CUBN: variants seen among roughly 807,000 people sequenced by gnomAD.
The protein encoded by CUBN is 460 kDa receptor.
CUBN carries 282 observed loss-of-function variants against 405.3 expected under a neutral mutation model. The ratio of observed to expected loss-of-function variants is 0.70; its 90% CI spans 0.63 to 0.77. The LOEUF is 0.77. CUBN is among the 30% of genes least tolerant of loss of function. The probability of loss-of-function intolerance (pLI) is 0.00; values close to 1 mark genes in which losing one functional copy is unlikely to be tolerated. For synonymous variants in CUBN, 1,684 were observed against 1,617.0 expected (o/e 1.04, Z -0.99); for missense variants, 4,514 against 4,475.2 (o/e 1.01, Z -0.25).
At chr10:16,937,861 CT>C in intron 38 of CUBN, 77 bp from the exon 39 acceptor site, 1 of 1,327,400 alleles carries the variant, frequency 7.5e-7, no homozygotes, top group Non-Finnish European at 1.0e-6. Flanking sequence ...AAAAAGATGC[CT>C]TATATTATTA....
chr10:16,968,783 G>A (rs1401746411), intron 31 of CUBN, among the ~76,000 whole-genome samples: 1 of 152,234 alleles, frequency 6.6e-6, no homozygotes, highest in African/African-American at 2.4e-5. Context: ...GAAAGGAAAC[G>A]TAATGAAGCC....
chr10:17,129,144 C>A lies in CUBN; in HGVS notation c.229G>T (p.Asp77Tyr). The stretch of plus-strand genomic sequence containing the variant: ...ACCTGATGTAAACACTCACTGAGAT[C>A]TTCATCATTTAATTTAATTTTTCCC... ...SLGKIKLNDE[D>Y]LSECLHQIQK... The change falls in exon 2 of 67, where the codon GAT becomes TAT. Residue 77 changes from aspartate (D) to tyrosine (Y), a missense_variant. Asp to Tyr is a radical substitution (Grantham distance 160). Around this residue, in one of 5 missense-constraint regions of CUBN, gnomAD observed 1,448 missense variants for 1,388.0 expected, o/e 1.04. Coordinates refer to ENST00000377833, the MANE Select transcript of CUBN (RefSeq NM_001081.4). The A allele has an allele frequency of 1.2e-6, 2 of 1,612,556 alleles. No homozygotes were observed. Among genetic ancestry groups the A allele is most frequent in the Non-Finnish European group, 1.7e-6 (2 of 1,178,664 alleles).
At chr10:16,996,430 A>T (rs915640756) in intron 28 of CUBN, among the ~76,000 whole-genome samples, 5 of 152,238 alleles carry the variant, frequency 3.3e-5, no homozygotes, top group Non-Finnish European at 5.9e-5. Flanking sequence ...TGAACTCATA[A>T]CAACCAAGAG....
chr10:16,940,217 G>C lies in CUBN; in HGVS notation c.5363C>G (p.Ser1788Cys). The C allele has an allele frequency of 6.2e-7, 1 of 1,614,068 alleles. No individual in the cohort carries two copies. Among genetic ancestry groups the C allele is most frequent in the Non-Finnish European group, 8.5e-7 (1 of 1,179,926 alleles). The change falls in exon 37 of 67, where the codon TCT becomes TGT. Residue 1788 changes from serine to cysteine, a missense_variant. By Grantham distance (112) the Ser-to-Cys change is moderately radical. Transcript: ENST00000377833. ...LSFISFQLED[S>C]QDCSRDFVEI... ...CACAAAATCTCTGCTGCAGTCCTGA[G>C]AGTCTTCCAACTGGAAAGATCTGAT...
At chr10:16,857,483 A>C (rs752602347) in intron 59 of CUBN, among the ~76,000 whole-genome samples, 4 of 152,248 alleles carry the variant, frequency 2.6e-5, no homozygotes, top group South Asian at 2.1e-4. Context: ...ATCACTGAAA[A>C]TGCTCTATGC....
chr10:17,122,061 AT>A (rs1286912458), intron 6 of CUBN: 2 of 152,450 alleles, frequency 1.3e-5, no homozygotes. Context: ...TAGAAAGACA[AT>A]GTGTGTGGCA....
chr10:17,094,741 GA>G (rs1261476309), intron 14 of CUBN, among the ~76,000 whole-genome samples: 1 of 151,838 alleles, frequency 6.6e-6, no homozygotes, highest in South Asian at 2.1e-4. Flanking sequence ...CCACATTAAT[GA>G]AAAAAAGAAA....
Position 16,936,637 on chromosome 10 carries a change from C to T in CUBN, c.5926+955G>A, listed in dbSNP as rs149180683. 3.2e-3 allele frequency among the ~76,000 whole-genome samples: 494 copies of T among 152,314 alleles called. 4 individuals carry two copies. The highest frequency in any genetic ancestry group is 6.8e-3 in the Middle Eastern group (2 of 294). The stretch of plus-strand genomic sequence containing the variant: ...AGCATTCAAGGACTTAGAATATCCT[C>T]CAAGAAATATCTGATTAATTTCTTC... On this transcript the variant is annotated intron_variant, in intron 39 of 66. Coordinates refer to ENST00000377833, the MANE Select transcript of CUBN (RefSeq NM_001081.4).
chr10:16,920,205 A>G (rs1841996817), intron 43 of CUBN, 68 bp from the exon 44 acceptor site: 2 of 1,498,760 alleles, frequency 1.3e-6, no homozygotes, highest in East Asian at 2.3e-5. Flanking sequence ...GCCACAAATC[A>G]TCTTTTAAAG....
intron 30 of CUBN, 49 bp from the exon 31 acceptor site, chr10:16,982,702 G>T (rs771272088): frequency 6.6e-7 from 1 of 1,509,276 alleles, no homozygotes; most frequent in South Asian, 1.1e-5. Context: ...ATGGATGCTC[G>T]AAAATAATCC....
chr10:16,956,326 A>AAT lies in CUBN; in HGVS notation c.4696-1780_4696-1779dup, dbSNP rs377273572. Among the ~76,000 whole-genome samples, 215 of 150,516 alleles carry AAT rather than the reference A, an allele frequency of 1.4e-3. 2 individuals carry two copies. The highest frequency in any genetic ancestry group is 3.4e-3 in the Middle Eastern group (1 of 292). On this transcript the variant is annotated intron_variant, in intron 31 of 66. Coordinates refer to ENST00000377833, the MANE Select transcript of CUBN (RefSeq NM_001081.4). ...TTTATTATTTAATGTTCAAAATTTA[A>AAT]ATATATATATATATATCTCCAATAA...
rs36006802 is a variant in CUBN at position 16,864,675 on chromosome 10, T to TA, written c.9454+4960dup. 2.0e-5 allele frequency among the ~76,000 whole-genome samples: 3 copies of TA among 148,594 alleles called. No homozygotes were observed. In the Admixed American group the frequency reaches 2.1e-4, roughly 10 times the overall value. ...TTTCTTTCTTTTTTTTTTTTTTTTT[T>TA]AGATGGATTTTTTTGCTCTTGTTCC... is the stretch of plus-strand genomic sequence containing the variant. On this transcript the variant is annotated intron_variant, in intron 59 of 66. Coordinates refer to ENST00000377833, the MANE Select transcript of CUBN (RefSeq NM_001081.4).
At position 17,100,055 on chromosome 10, in the gene CUBN, T is replaced by A. The variant is rs368231433; in HGVS notation, c.1715A>T (p.His572Leu). The A allele has an allele frequency of 1.1e-4, 170 of 1,613,916 alleles. No individual in the cohort carries two copies. Among genetic ancestry groups the A allele is most frequent in the Non-Finnish European group, 1.4e-4 (163 of 1,179,952 alleles). Residue 572 changes from histidine (H) to leucine (L), a missense_variant, in exon 14 of 67, where the codon CAT becomes CTT. By Grantham distance (99) the His-to-Leu change is moderately conservative. Transcript: ENST00000377833. ...TGTAAAGCCTCTCCCATTTCTTAAA[T>A]GTTCAGAATAGAGATGAAAATAGAG... ...NALYFHLYSE[H>L]LRNGRGFTVR... is the part of the protein sequence containing the mutation.
At chr10:16,875,977 C>T (rs1840487706) in intron 57 of CUBN, among the ~76,000 whole-genome samples, 1 of 152,190 alleles carries the variant, frequency 6.6e-6, no homozygotes, top group Non-Finnish European at 1.5e-5. Flanking sequence ...GCTACACAGC[C>T]ATATGTAGTC....
Position 16,982,514 on chromosome 10 carries a change from A to G in CUBN, c.4665T>C (p.Phe1555=). 1 of 1,613,808 alleles carries G rather than the reference A, an allele frequency of 6.2e-7. No individual in the cohort carries two copies. The highest frequency in any genetic ancestry group is 8.5e-7 in the Non-Finnish European group (1 of 1,179,738). ...NHRVLLNFTD[F]DLEPQDSCIM... ...TACAAGAGTCTTGTGGTTCAAGATC[A>G]AAGTCAGTGAAGTTCAAGAGAACAC... Residue 1555 remains phenylalanine (F), a synonymous_variant, in exon 31 of 67, where the codon TTT becomes TTC. Transcript: ENST00000377833.
chr10:17,112,028 T>C (rs1836782599), intron 8 of CUBN, among the ~76,000 whole-genome samples: 1 of 152,200 alleles, frequency 6.6e-6, no homozygotes, highest in Non-Finnish European at 1.5e-5. Context: ...AAGAATAAAG[T>C]AGAAGAGGAA....
At chr10:17,074,616 G>A (rs1414296853) in intron 17 of CUBN, among the ~76,000 whole-genome samples, 1 of 152,120 alleles carries the variant, frequency 6.6e-6, no homozygotes, top group African/African-American at 2.4e-5. Context: ...AATCTGTCAA[G>A]AGTTAGTCAC....
chr10:16,841,404 CCT>C (rs1839344485), intron 60 of CUBN, among the ~76,000 whole-genome samples: 1 of 152,132 alleles, frequency 6.6e-6, no homozygotes, highest in Non-Finnish European at 1.5e-5. Context: ...CCATGAAGCC[CCT>C]GATTCTGCTC....
Position 16,954,477 on chromosome 10 carries a change from G to A in CUBN, c.4767C>T (p.Pro1589=), listed in dbSNP as rs745981218. The change falls in exon 32 of 67, where the codon CCC becomes CCT. Residue 1589 remains proline, a synonymous_variant. Coordinates refer to ENST00000377833, the MANE Select transcript of CUBN (RefSeq NM_001081.4). ...RTCGREQLAN[P]IVSSGNSLFL... Reference sequence around the variant, plus strand: ...AGAGGCTGTTTCCTGAGGAGACGATGGGGTTAGCCAGCTGCTCCCTTCCAC... The same window carrying A: ...AGAGGCTGTTTCCTGAGGAGACGATAGGGTTAGCCAGCTGCTCCCTTCCAC... 2 of 1,614,132 alleles carry A rather than the reference G, an allele frequency of 1.2e-6. No homozygotes were observed. Among genetic ancestry groups the A allele is most frequent in the Non-Finnish European group, 8.5e-7 (1 of 1,180,016 alleles).
Sources: gnomAD v4.1 joint callset for allele counts (sites outside exome capture counted in the v4.1 genomes callset) on GRCh38, gnomAD v4.1.1 for gene constraint, gnomAD v4.1.1 regional missense constraint, MANE v1.5 for transcripts, NCBI Gene and HGNC (gene_info 2026-07-23, HGNC 2026-07-21) for gene names.